Variants in DNAJC13 observed in about 807,000 individuals in gnomAD.
DNAJC13 encodes the protein DnaJ heat shock protein family (Hsp40) member C13.
DNAJC13 carries 75 observed loss-of-function variants against 290.5 expected under a neutral mutation model. The observed-to-expected ratio is 0.26, with a 90% confidence interval of 0.21 to 0.31. The LOEUF (loss-of-function observed/expected upper bound fraction) is 0.31, where lower values mean the gene tolerates loss of function less well. DNAJC13 is among the 10% of genes least tolerant of loss of function. DNAJC13 has a pLI of 1.00. For missense variants in DNAJC13, 2,260 were observed against 2,674.5 expected (o/e 0.85, Z 3.42); for synonymous variants, 862 against 892.0 (o/e 0.97, Z 0.60).
Position 132,435,317 on chromosome 3 carries a change from GTAA to G in DNAJC13, c.68+703_68+705del, listed in dbSNP as rs1939358282. Among the ~76,000 whole-genome samples, 6 of 152,180 alleles carry G rather than the reference GTAA, an allele frequency of 3.9e-5. No homozygotes were observed. The South Asian group carries it at 1.2e-3, about 32-fold the overall frequency. ...GTTTAGTCTCTGGTCCCTTTGATCA[GTAA>G]TAAGTAAAATGAGTGTGTCACACTT... On this transcript the variant is annotated intron_variant, in intron 2 of 55. Transcript: ENST00000260818.
intron 27 of DNAJC13, 150 bp from the exon 28 acceptor site, chr3:132,483,225 A>G: frequency 1.3e-6 from 1 of 789,512 alleles, no homozygotes; most frequent in Non-Finnish European, 2.0e-6. Context: ...TTGGGTTCCT[A>G]AAGGCCTGTC....
chr3:132,525,606 G>A lies in DNAJC13; in HGVS notation c.6061-4G>A, dbSNP rs778157763. Reference sequence around the variant, plus strand: ...GTTGATTTATTTTTGTTTTACACCTGCAGGGAGAAACTCTGGAAACCTTGA... The same window carrying A: ...GTTGATTTATTTTTGTTTTACACCTACAGGGAGAAACTCTGGAAACCTTGA... On this transcript the variant is annotated splice_region_variant and splice_polypyrimidine_tract_variant and intron_variant, in intron 51 of 55. Coordinates refer to ENST00000260818, the MANE Select transcript of DNAJC13 (RefSeq NM_015268.4). The A allele has an allele frequency of 1.2e-6, 2 of 1,613,386 alleles. No individual in the cohort carries two copies. The highest frequency in any genetic ancestry group is 1.7e-6 in the Non-Finnish European group (2 of 1,179,726).
intron 54 of DNAJC13, among the ~76,000 whole-genome samples, chr3:132,528,895 C>G (rs1186533748): frequency 2.0e-5 from 3 of 151,868 alleles, no homozygotes; most frequent in African/African-American, 7.3e-5. Flanking sequence ...TTTATTATTT[C>G]CTCTAAGGAG....
intron 43 of DNAJC13, among the ~76,000 whole-genome samples, chr3:132,509,805 A>C (rs1935711745): frequency 6.6e-6 from 1 of 152,218 alleles, no homozygotes; most frequent in Non-Finnish European, 1.5e-5. Flanking sequence ...TAAGGTATGC[A>C]CGTAGTTTTT....
At chr3:132,485,667 C>G (rs543992813) in intron 29 of DNAJC13, among the ~76,000 whole-genome samples, 10 of 152,280 alleles carry the variant, frequency 6.6e-5, no homozygotes, top group Middle Eastern at 3.4e-3. Flanking sequence ...CTTGGTGGTT[C>G]ATATCTTAAG....
chr3:132,446,849 C>T lies in DNAJC13; in HGVS notation c.144+299C>T, dbSNP rs1362156900. ...TTTAGTTCTCTATAATTTATAAAGG[C>T]TTATACTTTTTACTGTAACAAAAGC... On this transcript the variant is annotated intron_variant, in intron 3 of 55. Coordinates refer to ENST00000260818, the MANE Select transcript of DNAJC13 (RefSeq NM_015268.4). Among the ~76,000 whole-genome samples, 2 of 151,978 alleles carry T rather than the reference C, an allele frequency of 1.3e-5. 1 individual carries two copies. Among genetic ancestry groups the T allele is most frequent in the Non-Finnish European group, 2.9e-5 (2 of 67,934 alleles).
rs76613206 is a variant in DNAJC13 at position 132,495,352 on chromosome 3, C to T, written c.4020+186C>T. ...GATGATGCTCCCTCAGTTTACCAGA[C>T]GAGTGGCCTTTATGACTAGCAACTT... On this transcript the variant is annotated intron_variant, in intron 35 of 55. Transcript: ENST00000260818. Among the ~76,000 whole-genome samples, 3,374 of 152,214 alleles carry T rather than the reference C, an allele frequency of 0.022. 117 individuals carry two copies. The highest frequency in any genetic ancestry group is 0.071 in the African/African-American group (2,935 of 41,514).
chr3:132,463,709 A>C lies in DNAJC13; in HGVS notation c.1784A>C (p.Glu595Ala). The C allele has an allele frequency of 6.2e-7, 1 of 1,613,030 alleles. No homozygotes were observed. Among genetic ancestry groups the C allele is most frequent in the Non-Finnish European group, 8.5e-7 (1 of 1,179,260 alleles). The change falls in exon 17 of 56, where the codon GAA (glutamate) becomes GCA (alanine). Residue 595 changes from glutamate (E) to alanine (A), a missense_variant. Around this residue, in one of 3 missense-constraint regions of DNAJC13, gnomAD observed 762 missense variants for 964.1 expected, o/e 0.79. Coordinates refer to ENST00000260818, the MANE Select transcript of DNAJC13 (RefSeq NM_015268.4). The part of the protein sequence containing the change: ...MKAIIEEGDK[E>A]IATKMQELAL... The stretch of plus-strand genomic sequence containing the variant: ...CTTTTTCCAAAGGAAGGTGATAAAG[A>C]AATTGCTACAAAAATGCAGGAGCTT...
Position 132,456,146 on chromosome 3 carries a change from A to T in DNAJC13, c.933-89A>T, listed in dbSNP as rs1320375134. On this transcript the variant is annotated intron_variant, in intron 9 of 55. Coordinates refer to ENST00000260818, the MANE Select transcript of DNAJC13 (RefSeq NM_015268.4). ...ACTGTAGTGTGTCCCTGAGCAGATT[A>T]CCTGCTAAAGGGCCTATGCTTCATG... 2.5e-6 allele frequency: 3 copies of T among 1,196,610 alleles called. No individual in the cohort carries two copies. The African/African-American group carries it at 4.6e-5, about 18-fold the overall frequency. The allele number at this position is 1,196,610 out of a possible 1,614,324, so 74.1% of individuals were successfully genotyped here.
In DNAJC13 at chr3:132,493,918, T is replaced by TA. The variant is rs1935145871; in HGVS notation, c.3826-220dup. On this transcript the variant is annotated intron_variant, in intron 33 of 55. Coordinates refer to ENST00000260818, the MANE Select transcript of DNAJC13 (RefSeq NM_015268.4). ...ACATAACACAGATTGGCAGAGGATTTAAAAAATTTTTTAAATAGAGGAATA... is the reference window on the plus strand; with the variant it reads ...ACATAACACAGATTGGCAGAGGATTTAAAAAAATTTTTTAAATAGAGGAATA... Among the ~76,000 whole-genome samples, 5 of 152,168 alleles carry TA rather than the reference T, an allele frequency of 3.3e-5. 1 individual carries two copies. The South Asian group carries it at 1.0e-3, about 32-fold the overall frequency.
chr3:132,495,267 TA>T (rs1935200693), intron 35 of DNAJC13, 101 bp downstream of exon 35: 2 of 856,858 alleles, frequency 2.3e-6, no homozygotes, highest in Non-Finnish European at 1.9e-6. Context: ...ATCTGCCTCA[TA>T]ATATATACTC....
intron 20 of DNAJC13, among the ~76,000 whole-genome samples, chr3:132,468,794 C>T (rs941387992): frequency 6.6e-6 from 1 of 152,050 alleles, no homozygotes; most frequent in African/African-American, 2.4e-5. Context: ...GAATGATTTT[C>T]ACAGTTATTA....
At chr3:132,431,372 G>A (rs1279358506) in intron 1 of DNAJC13, among the ~76,000 whole-genome samples, 4 of 152,094 alleles carry the variant, frequency 2.6e-5, no homozygotes, top group Non-Finnish European at 5.9e-5. Context: ...ATGAGGAGGA[G>A]GGTGGTTACA....
At chr3:132,419,255 T>A (rs1016123579) in intron 1 of DNAJC13, among the ~76,000 whole-genome samples, 3 of 152,208 alleles carry the variant, frequency 2.0e-5, no homozygotes, top group Non-Finnish European at 4.4e-5. Flanking sequence ...GTTCAGTTCA[T>A]GGAAAATATC....
At chr3:132,529,837 G>T (rs12633010) in intron 54 of DNAJC13, among the ~76,000 whole-genome samples, 17,786 of 151,390 alleles carry the variant, frequency 0.12, 1,580 homozygotes, top group East Asian at 0.53. Flanking sequence ...CACTTCTGCA[G>T]ATATTAAAGA....
At chr3:132,430,502 A>G (rs1939212019) in intron 1 of DNAJC13, among the ~76,000 whole-genome samples, 1 of 151,856 alleles carries the variant, frequency 6.6e-6, no homozygotes, top group Non-Finnish European at 1.5e-5. Context: ...TTAGATCCTT[A>G]ATTTTATCAA....
intron 54 of DNAJC13, among the ~76,000 whole-genome samples, chr3:132,530,687 T>G (rs1390192477): frequency 4.6e-5 from 7 of 152,254 alleles, no homozygotes. Context: ...CATCTGTTAC[T>G]GTCACAAGAA....
At chr3:132,493,595 G>A (rs1427238516) in intron 33 of DNAJC13, among the ~76,000 whole-genome samples, 1 of 152,058 alleles carries the variant, frequency 6.6e-6, no homozygotes, top group Non-Finnish European at 1.5e-5. Flanking sequence ...TTGGCACATA[G>A]GCAGGCAATA....
chr3:132,471,651 G>A (rs1484133938), intron 20 of DNAJC13, among the ~76,000 whole-genome samples: 9 of 131,122 alleles, frequency 6.9e-5, no homozygotes, highest in Non-Finnish European at 1.2e-4. Context: ...GACGATGGGC[G>A]GCCGGGCAGA....
Sources: gnomAD v4.1 joint callset for allele counts (sites outside exome capture counted in the v4.1 genomes callset) on GRCh38, gnomAD v4.1.1 for gene constraint, gnomAD v4.1.1 regional missense constraint, MANE v1.5 for transcripts, NCBI Gene and HGNC (gene_info 2026-07-23, HGNC 2026-07-21) for gene names.